The following SIPA1L1 variants were observed in gnomAD, a reference collection of about 807,000 sequenced individuals.
SIPA1L1 encodes signal induced proliferation associated 1 like 1, also known as signal-induced proliferation-associated 1-like protein 1.
A neutral mutation model predicts 162.7 loss-of-function variants in SIPA1L1; 26 were observed. The observed-to-expected ratio is 0.16, with a 90% confidence interval of 0.12 to 0.22. The LOEUF is 0.22. Among genes scored for constraint, SIPA1L1 ranks in the 10% least tolerant of loss-of-function variants. The pLI is 1.00. For synonymous variants in SIPA1L1, 829 were observed against 837.4 expected (o/e 0.99, Z 0.17); for missense variants, 1,874 against 2,241.0 (o/e 0.84, Z 3.31).
At chr14:71,517,156 C>T (rs897818083) in intron 3 of SIPA1L1, among the ~76,000 whole-genome samples, 2 of 151,146 alleles carry the variant, frequency 1.3e-5, no homozygotes, top group African/African-American at 4.9e-5. Context: ...CTGTCATTTT[C>T]AAAACTGGGG....
At chr14:71,398,112 T>C (rs986533411) in intron 2 of SIPA1L1, among the ~76,000 whole-genome samples, 1 of 144,702 alleles carries the variant, frequency 6.9e-6, no homozygotes, top group Non-Finnish European at 1.5e-5. Flanking sequence ...GCCTCCTGGG[T>C]TCACGCCATT....
intron 2 of SIPA1L1, among the ~76,000 whole-genome samples, chr14:71,396,122 T>A (rs1393217747): frequency 2.0e-5 from 3 of 148,378 alleles, no homozygotes; most frequent in African/African-American, 7.4e-5. Flanking sequence ...CCAGATCATT[T>A]AAAAAAAAAA....
intron 4 of SIPA1L1, among the ~76,000 whole-genome samples, chr14:71,568,290 A>G (rs1360039253): frequency 6.6e-6 from 1 of 152,126 alleles, no homozygotes; most frequent in Admixed American, 6.5e-5. Context: ...TAAGGGTTGT[A>G]GAGGGACAAA....
At chr14:71,322,893 A>G (rs1219907568) in intron 2 of SIPA1L1, among the ~76,000 whole-genome samples, 1 of 152,236 alleles carries the variant, frequency 6.6e-6, no homozygotes, top group East Asian at 1.9e-4. Flanking sequence ...CGAGTTTGAA[A>G]TTGCAATTCT....
At chr14:71,479,343 A>ATGTATGTG (rs2048148926) in intron 2 of SIPA1L1, among the ~76,000 whole-genome samples, 1 of 150,722 alleles carries the variant, frequency 6.6e-6, no homozygotes, top group African/African-American at 2.4e-5. Flanking sequence ...GTAGGTATGT[A>ATGTATGTG]TGTATGTATG....
intron 5 of SIPA1L1, among the ~76,000 whole-genome samples, chr14:71,612,501 T>C (rs560056958): frequency 2.3e-4 from 35 of 152,330 alleles, no homozygotes; most frequent in African/African-American, 8.2e-4. Flanking sequence ...AATTATAACT[T>C]TACAGATTAC....
At chr14:71,538,456 C>T (rs147542097) in intron 4 of SIPA1L1, among the ~76,000 whole-genome samples, 7 of 152,254 alleles carry the variant, frequency 4.6e-5, no homozygotes, top group African/African-American at 1.7e-4. Context: ...GCAAGGAAGG[C>T]GGTTAAATGT....
intron 2 of SIPA1L1, among the ~76,000 whole-genome samples, chr14:71,470,852 T>C (rs1442380587): frequency 6.6e-6 from 1 of 152,128 alleles, no homozygotes; most frequent in African/African-American, 2.4e-5. Context: ...TGTTTTGTTT[T>C]TTTAAGATGG....
chr14:71,693,848 G>T (rs1382958496), intron 13 of SIPA1L1, among the ~76,000 whole-genome samples: 2 of 151,718 alleles, frequency 1.3e-5, no homozygotes, highest in African/African-American at 2.4e-5. Flanking sequence ...AAAATGCTGT[G>T]CTTAATTATG....
intron 2 of SIPA1L1, among the ~76,000 whole-genome samples, chr14:71,475,469 A>G (rs899648090): frequency 6.6e-6 from 1 of 152,166 alleles, no homozygotes; most frequent in Non-Finnish European, 1.5e-5. Flanking sequence ...TAATACCTTC[A>G]AACAGTAGGA....
chr14:71,709,082 G>C lies in SIPA1L1; in HGVS notation c.3766-140G>C, dbSNP rs1032159474. 4.6e-6 allele frequency: 3 copies of C among 647,438 alleles called. No homozygotes were observed. In the Admixed American group the frequency reaches 8.7e-5, roughly 19 times the overall value. The allele number at this position is 647,438 out of a possible 1,614,324, so 40.1% of individuals were successfully genotyped here. A position where few individuals can be genotyped will look rare whatever the true frequency, so the allele number is the denominator to read the frequency against. On this transcript the variant is annotated intron_variant, in intron 16 of 23. Coordinates refer to ENST00000381232, the MANE Select transcript of SIPA1L1 (RefSeq NM_001386936.1). ...TGGACCATAGTGACATAGGTTCCCT[G>C]TCTTACTGTGACTAGTCATTATTGG...
intron 3 of SIPA1L1, among the ~76,000 whole-genome samples, chr14:71,527,098 A>G (rs533441776): frequency 8.5e-5 from 13 of 152,252 alleles, no homozygotes; most frequent in Middle Eastern, 3.4e-3. Flanking sequence ...TGATGCATGA[A>G]GTTGAACACC....
intron 2 of SIPA1L1, among the ~76,000 whole-genome samples, chr14:71,381,214 G>C (rs987349187): frequency 3.9e-5 from 6 of 151,992 alleles, no homozygotes; most frequent in African/African-American, 1.5e-4. Flanking sequence ...CACGGTGCCC[G>C]GCTAATTTTT....
intron 2 of SIPA1L1, among the ~76,000 whole-genome samples, chr14:71,474,855 G>GA (rs955189058): frequency 5.3e-5 from 8 of 151,880 alleles, no homozygotes; most frequent in South Asian, 2.1e-4. Context: ...ATTCCAGCCT[G>GA]AAAAAAAACC....
At chr14:71,559,120 T>G (rs2056587516) in intron 4 of SIPA1L1, among the ~76,000 whole-genome samples, 1 of 151,000 alleles carries the variant, frequency 6.6e-6, no homozygotes, top group Non-Finnish European at 1.5e-5. Context: ...CAGGCTGGAG[T>G]GCAGTGGCGC....
At chr14:71,543,865 ATACG>A (rs1567178671) in intron 4 of SIPA1L1, among the ~76,000 whole-genome samples, 4 of 144,142 alleles carry the variant, frequency 2.8e-5, no homozygotes, top group Admixed American at 6.9e-5. Flanking sequence ...TACATATATC[ATACG>A]TATGTGTATA....
chr14:71,429,022 T>G (rs2140908166), intron 2 of SIPA1L1, among the ~76,000 whole-genome samples: 1 of 152,330 alleles, frequency 6.6e-6, no homozygotes, highest in Non-Finnish European at 1.5e-5. Flanking sequence ...ATCTATTGTC[T>G]GGGCGGGAAG....
intron 2 of SIPA1L1, among the ~76,000 whole-genome samples, chr14:71,494,780 C>T (rs982896727): frequency 1.3e-5 from 2 of 152,148 alleles, no homozygotes; most frequent in Non-Finnish European, 2.9e-5. Context: ...GCTGGGACTA[C>T]AGGTGTGCAC....
At position 71,428,562 on chromosome 14, in the gene SIPA1L1, C is replaced by G. The variant is rs2043753800; in HGVS notation, c.-464-84181C>G. Among the ~76,000 whole-genome samples the G allele has an allele frequency of 2.0e-5, 3 of 152,148 alleles. No homozygotes were observed. In the South Asian group the frequency reaches 6.2e-4, roughly 32 times the overall value. On this transcript the variant is annotated intron_variant, in intron 2 of 23. Coordinates refer to ENST00000381232, the MANE Select transcript of SIPA1L1 (RefSeq NM_001386936.1). Reference sequence around the variant, plus strand: ...TGTGGTTGCTTTTGAATGGCCTAGTCTTTAATGTCTGGCCCTTAAAAGGGG... The same window carrying G: ...TGTGGTTGCTTTTGAATGGCCTAGTGTTTAATGTCTGGCCCTTAAAAGGGG...
Sources: gnomAD v4.1 joint callset for allele counts (sites outside exome capture counted in the v4.1 genomes callset) on GRCh38, gnomAD v4.1.1 for gene constraint, MANE v1.5 for transcripts, NCBI Gene and HGNC (gene_info 2026-07-23, HGNC 2026-07-21) for gene names.